Variants in FAT1 observed in about 807,000 individuals in gnomAD.
The protein encoded by FAT1 is FAT atypical cadherin 1.
FAT1 carries 171 observed loss-of-function variants against 329.8 expected under a neutral mutation model. The observed-to-expected ratio is 0.52, with a 90% CI of 0.46 to 0.59. The LOEUF (loss-of-function observed/expected upper bound fraction) is 0.59, where lower values mean the gene tolerates loss of function less well. FAT1 is among the 20% of genes least tolerant of loss of function. The pLI is 0.00. For missense variants in FAT1, 5,672 were observed against 5,774.4 expected (o/e 0.98, Z 0.57); for synonymous variants, 2,233 against 2,228.6 (o/e 1.00, Z -0.06).
chr4:186,725,192 T>G (rs1745676235), upstream of FAT1, among the ~76,000 whole-genome samples: 1 of 151,996 alleles, frequency 6.6e-6, no homozygotes, highest in Non-Finnish European at 1.5e-5. This position sits in a 1 kb window ranked among gnomAD's most constrained non-coding sequence, Gnocchi z 5.4. Context: ...ACAGGTCAAT[T>G]TCATACATGG....
At chr4:186,667,586 A>G (rs6553018) in intron 2 of FAT1, among the ~76,000 whole-genome samples, 3,199 of 152,340 alleles carry the variant, frequency 0.021, 132 homozygotes, top group African/African-American at 0.073. Context: ...CTTACGGAGA[A>G]CTATAAAGTA....
At chr4:186,592,789 T>A (rs1344291520) in intron 26 of FAT1, 2 of 456,306 alleles carry the variant, frequency 4.4e-6, no homozygotes, top group East Asian at 1.4e-4. Flanking sequence ...ATTAGGAACA[T>A]CTTCAGTTAG....
Position 186,602,917 on chromosome 4 carries a change from A to G in FAT1, c.11468T>C (p.Phe3823Ser), listed in dbSNP as rs773264525. 3 of 1,613,944 alleles carry G rather than the reference A, an allele frequency of 1.9e-6. No individual in the cohort carries two copies. In the East Asian group the frequency reaches 6.7e-5, roughly 36 times the overall value. ...KHTCVCPSGRFGQCPGSSSMT... is the reference protein window; with the variant it reads ...KHTCVCPSGRSGQCPGSSSMT... ...TCAACTCTCACCTGGGCACTGACCA[A>G]ACCTGCCGCTGGGACAGACACAGGT... Residue 3823 changes from phenylalanine to serine, a missense_variant, in exon 20 of 27, where the codon TTT (phenylalanine) becomes TCT (serine). Around this residue, in one of 2 missense-constraint regions of FAT1, gnomAD observed 1,706 missense variants for 1,859.1 expected, o/e 0.92. Coordinates refer to ENST00000441802, the MANE Select transcript of FAT1 (RefSeq NM_005245.4).
chr4:186,677,713 G>T (rs1743021624), intron 2 of FAT1, among the ~76,000 whole-genome samples: 1 of 152,080 alleles, frequency 6.6e-6, no homozygotes, highest in African/African-American at 2.4e-5. Context: ...GCAGACAAAT[G>T]AAGTATTTAA....
chr4:186,603,590 G>A lies in FAT1; in HGVS notation c.10936C>T (p.Arg3646Cys), dbSNP rs375882967. The A allele has an allele frequency of 2.4e-4, 391 of 1,613,926 alleles. 6 individuals are homozygous for A. The South Asian group carries it at 3.7e-3, about 15-fold the overall frequency. ...QEMLNHTIAI[R>C]FANLTPEEFV... ...TCTTCCGGAGTGAGGTTGGCAAAGCGGATCGCGATGGTGTGGTTCAACATC... is the reference window on the plus strand; with the variant it reads ...TCTTCCGGAGTGAGGTTGGCAAAGCAGATCGCGATGGTGTGGTTCAACATC... Residue 3646 changes from arginine (R) to cysteine (C), a missense_variant, in exon 19 of 27, where the codon CGC becomes TGC. Coordinates refer to ENST00000441802, the MANE Select transcript of FAT1 (RefSeq NM_005245.4).
At chr4:186,604,086 T>G (rs1738974123) in intron 18 of FAT1, 109 bp from the exon 19 acceptor site, 2 of 817,030 alleles carry the variant, frequency 2.4e-6, no homozygotes, top group South Asian at 3.7e-5. Context: ...AACTGGTAGA[T>G]ACTCATTTCT....
rs11939575 is a variant in FAT1, at chr4:186,706,638, T to C, written c.3190A>G (p.Arg1064Gly). Residue 1064 changes from arginine to glycine, a missense_variant, in exon 2 of 27, where the codon AGA (arginine) becomes GGA (glycine). Around this residue, in one of 2 missense-constraint regions of FAT1, gnomAD observed 3,966 missense variants for 3,915.2 expected, o/e 1.01. Coordinates refer to ENST00000441802, the MANE Select transcript of FAT1 (RefSeq NM_005245.4). ...GAGTATCGGATCTCCCCATCTCTTC[T>C]GGCGTCCTCATCATGAGCCGACACC... Reference protein sequence around the residue: ...MTVSAHDEDARRDGEIRYSIR... With the variant: ...MTVSAHDEDAGRDGEIRYSIR... 0.78 allele frequency: 1,254,897 copies of C among 1,613,754 alleles called. 491,124 individuals carry two copies. Among genetic ancestry groups the C allele is most frequent in the African/African-American group, 0.89 (67,002 of 74,996 alleles).
chr4:186,651,610 G>A (rs888542296), intron 3 of FAT1, among the ~76,000 whole-genome samples: 3 of 152,236 alleles, frequency 2.0e-5, no homozygotes, highest in Middle Eastern at 3.4e-3. Context: ...GGATCCCCCC[G>A]AAACACACAC....
chr4:186,695,062 C>A (rs1189546288), intron 2 of FAT1, among the ~76,000 whole-genome samples: 1 of 152,184 alleles, frequency 6.6e-6, no homozygotes, highest in Admixed American at 6.5e-5. Context: ...CAAAAATAAT[C>A]TGTGAATCTC....
chr4:186,667,169 T>C (rs1367152794), intron 2 of FAT1, among the ~76,000 whole-genome samples: 1 of 152,212 alleles, frequency 6.6e-6, no homozygotes, highest in Non-Finnish European at 1.5e-5. Flanking sequence ...TAGAAACAGC[T>C]ATGATTTTTC....
Position 186,603,537 on chromosome 4 carries a change from G to C in FAT1, c.10989C>G (p.Phe3663Leu), listed in dbSNP as rs769563987. The change falls in exon 19 of 27, where the codon TTC becomes TTG. Residue 3663 changes from phenylalanine (F) to leucine (L), a missense_variant. By Grantham distance (22) the Phe-to-Leu change is conservative. Transcript: ENST00000441802. The part of the protein sequence containing the change: ...EEFVGDYWRN[F>L]QRALRNILGV... ...CCAGGATGTTCCGTAAAGCTCGCTG[G>C]AAGTTGCGCCAGTAGTCACCAACGA... 6.2e-7 allele frequency: 1 copy of C among 1,614,020 alleles called. No homozygotes were observed. Among genetic ancestry groups the C allele is most frequent in the South Asian group, 1.1e-5 (1 of 91,076 alleles).
At chr4:186,678,122 CAGA>C (rs1252626395) in intron 2 of FAT1, among the ~76,000 whole-genome samples, 1 of 151,944 alleles carries the variant, frequency 6.6e-6, no homozygotes, top group Non-Finnish European at 1.5e-5. Flanking sequence ...AAAGTGATAA[CAGA>C]AGATGTAGAA....
At chr4:186,679,292 C>T (rs1056844316) in intron 2 of FAT1, among the ~76,000 whole-genome samples, 1 of 152,086 alleles carries the variant, frequency 6.6e-6, no homozygotes, top group Admixed American at 6.5e-5. Flanking sequence ...TGGCGGGAGC[C>T]TGTAGTCCCA....
intron 9 of FAT1, among the ~76,000 whole-genome samples, chr4:186,624,387 G>A (rs1170522766): frequency 2.0e-5 from 3 of 152,184 alleles, no homozygotes; most frequent in African/African-American, 7.2e-5. Flanking sequence ...GACTGGCAGA[G>A]TGGCACCCTC....
At chr4:186,697,761 C>A (rs1156579715) in intron 2 of FAT1, among the ~76,000 whole-genome samples, 1 of 152,136 alleles carries the variant, frequency 6.6e-6, no homozygotes, top group African/African-American at 2.4e-5. Context: ...GTCATCACTG[C>A]CATCATCATC....
chr4:186,667,092 C>G (rs1349703559), intron 2 of FAT1, among the ~76,000 whole-genome samples: 1 of 152,190 alleles, frequency 6.6e-6, no homozygotes, highest in Non-Finnish European at 1.5e-5. Flanking sequence ...TTTCTCTAAT[C>G]TCAAGGGAAA....
rs2126697217 is a variant in FAT1, at chr4:186,708,533, G to A, written c.1295C>T (p.Ala432Val). The A allele has an allele frequency of 1.2e-6, 2 of 1,613,914 alleles. No homozygotes were observed. Among genetic ancestry groups the A allele is most frequent in the African/African-American group, 1.3e-5 (1 of 75,006 alleles). ...TGTTGTTACTTCAAGTTCAAAATGG[G>A]CTGCCTGCTGTCTTTTAACTGGTTC... ...ILEPVKRQQAAHFELEVTTSD... is the reference protein window; with the variant it reads ...ILEPVKRQQAVHFELEVTTSD... Residue 432 changes from alanine to valine, a missense_variant, in exon 2 of 27, where the codon GCC (alanine) becomes GTC (valine). Ala to Val is a moderately conservative substitution (Grantham distance 64). Transcript: ENST00000441802.
At chr4:186,687,540 G>A (rs531190269) in intron 2 of FAT1, among the ~76,000 whole-genome samples, 1 of 152,222 alleles carries the variant, frequency 6.6e-6, no homozygotes, top group Non-Finnish European at 1.5e-5. Flanking sequence ...CAAACAGGAT[G>A]AGTGTCCCAA....
intron 2 of FAT1, among the ~76,000 whole-genome samples, chr4:186,671,752 T>C (rs1742742120): frequency 6.6e-6 from 1 of 152,130 alleles, no homozygotes; most frequent in Non-Finnish European, 1.5e-5. Context: ...ACATGCAGTA[T>C]TATCTCATAA....
Sources: allele counts gnomAD v4.1 joint callset (sites outside exome capture counted in the v4.1 genomes callset), GRCh38; gene constraint gnomAD v4.1.1; regional missense constraint gnomAD v4.1.1; non-coding constraint Gnocchi (gnomAD v3.1); transcripts MANE v1.5; gene names NCBI Gene and HGNC (gene_info 2026-07-23, HGNC 2026-07-21).